Variants in NAP1L1 observed in about 807,000 individuals in gnomAD.
The protein encoded by NAP1L1 is nucleosome assembly protein 1 like 1, also known as nucleosome assembly protein 1-like 1.
In NAP1L1, 9 loss-of-function variants were observed where a neutral mutation model predicts 58.9. The observed-to-expected ratio is 0.15, with a 90% CI of 0.09 to 0.27. The LOEUF (loss-of-function observed/expected upper bound fraction) is 0.27. Among genes scored for constraint, NAP1L1 ranks in the 10% least tolerant of loss-of-function variants. The pLI is 1.00. For missense variants in NAP1L1, 302 were observed against 458.8 expected, an observed-to-expected ratio of 0.66 and a Z score of 3.12; for synonymous variants, 130 against 138.3, an observed-to-expected ratio of 0.94 and a Z score of 0.42.
At chr12:76,063,880 T>TAAAA (rs1565731990) in intron 4 of NAP1L1, among the ~76,000 whole-genome samples, 19 of 56,542 alleles carry the variant, frequency 3.4e-4, no homozygotes, top group African/African-American at 9.4e-4. Context: ...GGTTAAAAGT[T>TAAAA]TAAAAAAAAA....
At chr12:76,060,720 A>G (rs1163060158) in intron 4 of NAP1L1, among the ~76,000 whole-genome samples, 2 of 152,232 alleles carry the variant, frequency 1.3e-5, no homozygotes, top group East Asian at 1.9e-4. Context: ...TTTAGTCTCC[A>G]TATTTAATTA....
chr12:76,083,155 C>A (rs1046625482), intron 1 of NAP1L1, among the ~76,000 whole-genome samples: 1 of 152,118 alleles, frequency 6.6e-6, no homozygotes, highest in Non-Finnish European at 1.5e-5. Flanking sequence ...ACACTGCCAT[C>A]CCCCAGATCT....
Sources: gnomAD v4.1 joint callset for allele counts (sites outside exome capture counted in the v4.1 genomes callset) on GRCh38, gnomAD v4.1.1 for gene constraint, MANE v1.5 for transcripts, NCBI Gene and HGNC (gene_info 2026-07-23, HGNC 2026-07-21) for gene names.